ACTN3: variants seen among roughly 807,000 people sequenced by gnomAD.
ACTN3 encodes the protein actinin alpha 3.
In ACTN3, 91 loss-of-function variants were observed where a neutral mutation model predicts 119.6. The ratio of observed to expected loss-of-function variants is 0.76; its 90% CI spans 0.64 to 0.91. The LOEUF (loss-of-function observed/expected upper bound fraction) is 0.91, where lower values mean the gene tolerates loss of function less well. ACTN3 is among the 40% of genes least tolerant of loss of function. The pLI is 0.00. For missense variants in ACTN3, 1,221 were observed against 1,215.1 expected (o/e 1.00, Z -0.07); for synonymous variants, 456 against 478.8 (o/e 0.95, Z 0.62).
rs765678198 is a variant in ACTN3, at chr11:66,555,173, C to T, written c.601C>T (p.Arg201Cys). The change falls in exon 6 of 21, where the codon CGC (arginine) becomes TGC (cysteine). Residue 201 changes from arginine to cysteine, a missense_variant. Physicochemically the swap from Arg to Cys is radical, Grantham distance 180 (BLOSUM62 -3). Coordinates refer to ENST00000513398, the MANE Select transcript of ACTN3 (RefSeq NM_001104.4). Reference sequence around the variant, plus strand: ...CCTCTGTGCCCTCATCCACCGACACCGCCCTGACCTCATCGACTACGCCAA... The same window carrying T: ...CCTCTGTGCCCTCATCCACCGACACTGCCCTGACCTCATCGACTACGCCAA... ...LALCALIHRH[R>C]PDLIDYAKLR... The T allele has an allele frequency of 2.0e-4, 328 of 1,613,926 alleles. No individual in the cohort carries two copies. The highest frequency in any genetic ancestry group is 1.3e-3 in the Middle Eastern group (8 of 6,084).
intron 9 of ACTN3, 137 bp from the exon 10 acceptor site, chr11:66,557,562 C>T (rs1857617778): frequency 2.3e-6 from 2 of 879,124 alleles, no homozygotes; most frequent in Non-Finnish European, 3.5e-6. Context: ...GTGGGGACTA[C>T]CCCATCCTGC....
chr11:66,560,214 A>C lies in ACTN3; in HGVS notation c.1580A>C (p.Glu527Ala). 1 of 1,611,442 alleles carries C rather than the reference A, an allele frequency of 6.2e-7. No individual in the cohort carries two copies. Among genetic ancestry groups the C allele is most frequent in the Non-Finnish European group, 8.5e-7 (1 of 1,178,880 alleles). The change falls in exon 14 of 21, where the codon GAG becomes GCG. Residue 527 changes from glutamate (E) to alanine (A), a missense_variant. By Grantham distance (107) the Glu-to-Ala change is moderately radical. Transcript: ENST00000513398. Reference sequence around the variant, plus strand: ...GAGACCATTGACCGGCTGCAACTGGAGTTTGCCCGGCGGGCCGCGCCCTTC... The same window carrying C: ...GAGACCATTGACCGGCTGCAACTGGCGTTTGCCCGGCGGGCCGCGCCCTTC... Reference protein sequence around the residue: ...LLETIDRLQLEFARRAAPFNN... With the variant: ...LLETIDRLQLAFARRAAPFNN...
rs779360169 is a variant in ACTN3 at position 66,547,097 on chromosome 11, C to T, written c.147+13C>T. On this transcript the variant is annotated intron_variant, in intron 1 of 20. Transcript: ENST00000513398. The stretch of plus-strand genomic sequence containing the variant: ...GCAGCAGCGGAAAGTGAGTGCTCGC[C>T]CATTTCCTGACAGCAAAACCGAGGC... 3 of 1,493,882 alleles carry T rather than the reference C, an allele frequency of 2.0e-6. No individual in the cohort carries two copies. Among genetic ancestry groups the T allele is most frequent in the African/African-American group, 1.4e-5 (1 of 71,100 alleles). The allele number at this position is 1,493,882 out of a possible 1,614,324, so 92.5% of individuals were successfully genotyped here.
At chr11:66,557,539 T>C (rs992752345) in intron 9 of ACTN3, among the ~76,000 whole-genome samples, 160 bp from the exon 10 acceptor site, 41 of 152,220 alleles carry the variant, frequency 2.7e-4, no homozygotes, top group Non-Finnish European at 4.4e-4. Context: ...CCATCCCACT[T>C]CTTCTCTGAC....
chr11:66,548,185 A>C (rs1590802643), intron 1 of ACTN3, among the ~76,000 whole-genome samples: 1 of 152,124 alleles, frequency 6.6e-6, no homozygotes, highest in African/African-American at 2.4e-5. Flanking sequence ...GATGACCCCA[A>C]GGGCCGAGAG....
At position 66,555,129 on chromosome 11, in the gene ACTN3, G is replaced by C. The variant is rs1209672536; in HGVS notation, c.558-1G>C. The C allele has an allele frequency of 6.2e-7, 1 of 1,613,926 alleles. No individual in the cohort carries two copies. The highest frequency in any genetic ancestry group is 1.1e-5 in the South Asian group (1 of 91,068). ...CTGACCCCCCTCTTCTCTCTGTCCA[G>C]CTGGAAGGATGGCCTGGCCCTCTGT... On this transcript the variant is annotated splice_acceptor_variant, in intron 5 of 20. Coordinates refer to ENST00000513398, the MANE Select transcript of ACTN3 (RefSeq NM_001104.4). LOFTEE classifies it high-confidence loss of function.
In ACTN3 at chr11:66,563,100, C is replaced by A. The variant is rs370952307; in HGVS notation, c.2613C>A (p.Arg871=). 1.2e-5 allele frequency: 20 copies of A among 1,613,396 alleles called. No homozygotes were observed. Among genetic ancestry groups the A allele is most frequent in the Admixed American group, 1.7e-5 (1 of 60,000 alleles). ...LPAKQAEYCI[R]RMVPYKGSGA... ...CCAAGCAGGCCGAGTACTGCATCCG[C>A]CGTATGGTGCCCTACAAGGGATCCG... The change falls in exon 21 of 21, where the codon CGC becomes CGA. Residue 871 remains arginine, a synonymous_variant. Coordinates refer to ENST00000513398, the MANE Select transcript of ACTN3 (RefSeq NM_001104.4).
At position 66,559,374 on chromosome 11, in the gene ACTN3, C is replaced by G; in HGVS notation, c.1415C>G (p.Ala472Gly). The stretch of plus-strand genomic sequence containing the variant: ...CGCGTGGAGCACATTGCCGCGCTGG[C>G]CCAGGAGCTCAAGTAGGCGGGGCCT... Reference protein sequence around the residue: ...QDRVEHIAALAQELNELDYHE... With the variant: ...QDRVEHIAALGQELNELDYHE... Residue 472 changes from alanine (A) to glycine (G), a missense_variant, in exon 12 of 21, where the codon GCC (alanine) becomes GGC (glycine). By Grantham distance (60) the Ala-to-Gly change is moderately conservative (BLOSUM62 0). Coordinates refer to ENST00000513398, the MANE Select transcript of ACTN3 (RefSeq NM_001104.4). 6.5e-7 allele frequency: 1 copy of G among 1,542,984 alleles called. No individual in the cohort carries two copies. Among genetic ancestry groups the G allele is most frequent in the Non-Finnish European group, 8.7e-7 (1 of 1,151,664 alleles).
Position 66,560,617 on chromosome 11 carries a change from G to A in ACTN3, c.1722G>A (p.Glu574=). ...ATCAGTTCAAGGCAACACTGCCCGAGGCTGACCGAGAGCGAGGTGCCATCA... is the reference window on the plus strand; with the variant it reads ...ATCAGTTCAAGGCAACACTGCCCGAAGCTGACCGAGAGCGAGGTGCCATCA... ...AHDQFKATLP[E]ADRERGAIMG... Residue 574 remains glutamate (E), a synonymous_variant, in exon 15 of 21, where the codon GAG becomes GAA. Coordinates refer to ENST00000513398, the MANE Select transcript of ACTN3 (RefSeq NM_001104.4). 3 of 1,613,712 alleles carry A rather than the reference G, an allele frequency of 1.9e-6. No homozygotes were observed. Among genetic ancestry groups the A allele is most frequent in the Non-Finnish European group, 2.5e-6 (3 of 1,179,882 alleles).
In ACTN3 at chr11:66,563,133, G is replaced by A. The variant is rs768201265; in HGVS notation, c.2646G>A (p.Pro882=). Residue 882 remains proline, a synonymous_variant, in exon 21 of 21, where the codon CCG becomes CCA. Coordinates refer to ENST00000513398, the MANE Select transcript of ACTN3 (RefSeq NM_001104.4). ...TGCCCTACAAGGGATCCGGGGCCCC[G>A]GCTGGAGCCCTGGACTACGTGGCCT... ...RMVPYKGSGA[P]AGALDYVAFS... 1.5e-5 allele frequency: 24 copies of A among 1,613,308 alleles called. No individual in the cohort carries two copies. The highest frequency in any genetic ancestry group is 1.8e-5 in the Non-Finnish European group (21 of 1,179,706).
intron 1 of ACTN3, among the ~76,000 whole-genome samples, chr11:66,550,422 G>A (rs1012215664): frequency 3.3e-5 from 5 of 152,226 alleles, no homozygotes; most frequent in Non-Finnish European, 7.3e-5. Flanking sequence ...GGCTGAGGCT[G>A]AGGCTGACTT....
chr11:66,546,823 C>G (rs930783534), upstream of ACTN3: 82 of 1,526,684 alleles, frequency 5.4e-5, no homozygotes, highest in Non-Finnish European at 6.9e-5. Flanking sequence ...TCCGGCCCCT[C>G]CCTCCTCCCC....
Position 66,557,241 on chromosome 11 carries a change from C to A in ACTN3, c.897+16C>A. The A allele has an allele frequency of 6.4e-7, 1 of 1,550,648 alleles. No homozygotes were observed. The highest frequency in any genetic ancestry group is 8.7e-7 in the Non-Finnish European group (1 of 1,146,488). ...TGCCAGTGAGGTGAGGCTGGGCTCCCACCGTGCTCTCCCCACCCCAGCCCT... is the reference window on the plus strand; with the variant it reads ...TGCCAGTGAGGTGAGGCTGGGCTCCAACCGTGCTCTCCCCACCCCAGCCCT... On this transcript the variant is annotated intron_variant, in intron 9 of 20. Coordinates refer to ENST00000513398, the MANE Select transcript of ACTN3 (RefSeq NM_001104.4).
intron 7 of ACTN3, among the ~76,000 whole-genome samples, 199 bp from the exon 8 acceptor site, chr11:66,555,946 C>A (rs1857581611): frequency 6.6e-6 from 1 of 152,200 alleles, no homozygotes; most frequent in Non-Finnish European, 1.5e-5. Flanking sequence ...CTTTGCTCAC[C>A]CCAAGGTGGG....
At chr11:66,561,074 T>G in intron 15 of ACTN3, 153 bp from the exon 16 acceptor site, 1 of 619,990 alleles carries the variant, frequency 1.6e-6, no homozygotes. Context: ...GAAGCCCACA[T>G]GGGTTAGTGA....
rs187286120 is a variant in ACTN3, at chr11:66,551,332, C to T, written c.241C>T (p.Leu81=). ...EDFRNGLKLM[L]LLEVISGERL... is the part of the protein sequence containing the mutation. Reference sequence around the variant, plus strand: ...TTTCCGCAATGGCCTCAAACTCATGCTGCTCCTGGAGGTCATTTCAGGTGA... The same window carrying T: ...TTTCCGCAATGGCCTCAAACTCATGTTGCTCCTGGAGGTCATTTCAGGTGA... Residue 81 remains leucine (L), a synonymous_variant, in exon 2 of 21, where the codon CTG becomes TTG. Transcript: ENST00000513398. 12,403 of 1,608,516 alleles carry T rather than the reference C, an allele frequency of 7.7e-3. 68 individuals carry two copies. The highest frequency in any genetic ancestry group is 8.8e-3 in the Non-Finnish European group (10,347 of 1,177,376).
Position 66,557,126 on chromosome 11 carries a change from C to G in ACTN3, c.805-7C>G, listed in dbSNP as rs912399913. 3.9e-6 allele frequency: 6 copies of G among 1,551,880 alleles called. No individual in the cohort carries two copies. In the Admixed American group the frequency reaches 5.9e-5, roughly 15 times the overall value. ...TAATGCCAGCCTTCTGCCCACTCCCCCCACAGGCAGAGACAGCTGCCAACA... is the reference window on the plus strand; with the variant it reads ...TAATGCCAGCCTTCTGCCCACTCCCGCCACAGGCAGAGACAGCTGCCAACA... On this transcript the variant is annotated splice_polypyrimidine_tract_variant and splice_region_variant and intron_variant, in intron 8 of 20. Transcript: ENST00000513398.
chr11:66,555,352 A>T lies in ACTN3; in HGVS notation c.703A>T (p.Met235Leu), dbSNP rs764609882. The T allele has an allele frequency of 8.1e-6, 13 of 1,613,956 alleles. No homozygotes were observed. The highest frequency in any genetic ancestry group is 1.7e-5 in the Admixed American group (1 of 59,998). The change falls in exon 7 of 21, where the codon ATG becomes TTG. Residue 235 changes from methionine (M) to leucine (L), a missense_variant. Met to Leu is a conservative substitution (Grantham distance 15). Coordinates refer to ENST00000513398, the MANE Select transcript of ACTN3 (RefSeq NM_001104.4). The part of the protein sequence containing the change: ...VAEKYLDIPK[M>L]LDAEDIVNTP... ...AGAGAAATACCTGGACATCCCCAAGATGTTGGATGCAGAAGGTGAGAGTGA... is the reference window on the plus strand; with the variant it reads ...AGAGAAATACCTGGACATCCCCAAGTTGTTGGATGCAGAAGGTGAGAGTGA...
intron 5 of ACTN3, 54 bp downstream of exon 5, chr11:66,554,677 G>C: frequency 6.8e-7 from 1 of 1,463,304 alleles, no homozygotes; most frequent in African/African-American, 1.4e-5. Context: ...ACTGGGCATA[G>C]AGAGGAGCCC....
Sources: allele counts gnomAD v4.1 joint callset (sites outside exome capture counted in the v4.1 genomes callset), GRCh38; gene constraint gnomAD v4.1.1; transcripts MANE v1.5; gene names NCBI Gene and HGNC (gene_info 2026-07-23, HGNC 2026-07-21).